Variants in ASXL2 observed in about 807,000 individuals in gnomAD.
The protein encoded by ASXL2 is putative Polycomb group protein ASXL2.
ASXL2 carries 23 observed loss-of-function variants against 122.0 expected under a neutral mutation model. The observed-to-expected ratio is 0.19, with a 90% confidence interval of 0.14 to 0.27. The LOEUF (loss-of-function observed/expected upper bound fraction) is 0.27. ASXL2 is among the 10% of genes least tolerant of loss of function. The probability of loss-of-function intolerance (pLI) is 1.00; values close to 1 mark genes in which losing one functional copy is unlikely to be tolerated. For missense variants in ASXL2, 1,518 were observed against 1,713.8 expected (o/e 0.89, Z 2.02); for synonymous variants, 650 against 637.0 (o/e 1.02, Z -0.31).
chr2:25,770,695 C>T (rs572846014), intron 6 of ASXL2, among the ~76,000 whole-genome samples: 1 of 151,866 alleles, frequency 6.6e-6, no homozygotes, highest in African/African-American at 2.4e-5. Context: ...GCGGAGGTTG[C>T]ACTAGGCAAC....
intron 3 of ASXL2, among the ~76,000 whole-genome samples, chr2:25,829,289 TACAC>T (rs148405440): frequency 1.6e-4 from 24 of 145,688 alleles, no homozygotes; most frequent in African/African-American, 2.5e-4. Flanking sequence ...CACATACACA[TACAC>T]ACACACACAC....
chr2:25,795,380 A>G (rs2088896910), intron 5 of ASXL2, among the ~76,000 whole-genome samples: 1 of 152,164 alleles, frequency 6.6e-6, no homozygotes, highest in South Asian at 2.1e-4. Context: ...AGTGTGGAGC[A>G]AGGTTATGTT....
intron 3 of ASXL2, among the ~76,000 whole-genome samples, chr2:25,832,330 C>T (rs1334110236): frequency 6.6e-6 from 1 of 151,766 alleles, no homozygotes; most frequent in African/African-American, 2.4e-5. Context: ...ATTGTAATAC[C>T]CAGTTGAAAC....
chr2:25,869,283 A>C (rs1484518185), intron 1 of ASXL2, among the ~76,000 whole-genome samples: 1 of 151,946 alleles, frequency 6.6e-6, no homozygotes, highest in South Asian at 2.1e-4. Context: ...GTCAGCTGAG[A>C]TCCACCACTG....
chr2:25,797,848 A>G (rs2088933314), intron 5 of ASXL2, among the ~76,000 whole-genome samples: 1 of 152,220 alleles, frequency 6.6e-6, no homozygotes, highest in South Asian at 2.1e-4. Flanking sequence ...AACCAAACAT[A>G]CTCTTAATCA....
intron 1 of ASXL2, chr2:25,856,469 C>A: frequency 9.9e-7 from 1 of 1,011,826 alleles, no homozygotes; most frequent in Non-Finnish European, 1.5e-6. Flanking sequence ...TCTCACTTGG[C>A]CTTCGGGTTA....
intron 4 of ASXL2, among the ~76,000 whole-genome samples, chr2:25,801,378 C>T (rs1014230427): frequency 6.6e-6 from 1 of 152,108 alleles, no homozygotes; most frequent in Non-Finnish European, 1.5e-5. Flanking sequence ...AACTGACATC[C>T]GTATGACATT....
chr2:25,782,902 C>T (rs953177480), intron 5 of ASXL2, among the ~76,000 whole-genome samples: 1 of 151,942 alleles, frequency 6.6e-6, no homozygotes, highest in African/African-American at 2.4e-5. Flanking sequence ...CCAAGGTGGG[C>T]GGATCACTTG....
At chr2:25,787,160 C>T (rs950902885) in intron 5 of ASXL2, among the ~76,000 whole-genome samples, 2 of 152,180 alleles carry the variant, frequency 1.3e-5, no homozygotes, top group African/African-American at 2.4e-5. Flanking sequence ...GTTGTGTATA[C>T]ACACGAGGAA....
chr2:25,747,142 T>G (rs147991671), intron 12 of ASXL2, among the ~76,000 whole-genome samples: 1 of 152,226 alleles, frequency 6.6e-6, no homozygotes, highest in Non-Finnish European at 1.5e-5. Flanking sequence ...AATATTGCGA[T>G]AGGTGGTTGG....
At chr2:25,831,653 C>T (rs1313314074) in intron 3 of ASXL2, among the ~76,000 whole-genome samples, 1 of 150,474 alleles carries the variant, frequency 6.6e-6, no homozygotes, top group Non-Finnish European at 1.5e-5. Context: ...GACCCTGTCT[C>T]AAAAAACAAA....
At chr2:25,764,902 C>T (rs2088316455) in intron 8 of ASXL2, among the ~76,000 whole-genome samples, 1 of 151,972 alleles carries the variant, frequency 6.6e-6, no homozygotes, top group African/African-American at 2.4e-5. Context: ...AACTGTGTTC[C>T]CTGAAGATAC....
intron 9 of ASXL2, among the ~76,000 whole-genome samples, chr2:25,756,453 C>CAAAAAAAAAAAAAAAAA (rs554502367): frequency 8.6e-5 from 2 of 23,268 alleles, no homozygotes; most frequent in Admixed American, 4.2e-4. Context: ...CAGATAATGA[C>CAAAAAAAAAAAAAAAAA]AAAAAAAAAA....
intron 5 of ASXL2, 84 bp from the exon 6 acceptor site, chr2:25,771,624 T>C (rs2088457770): frequency 2.7e-6 from 3 of 1,106,860 alleles, no homozygotes; most frequent in Non-Finnish European, 3.9e-6. Context: ...TGCTGCTACC[T>C]GGAGTAAGAA....
intron 2 of ASXL2, among the ~76,000 whole-genome samples, chr2:25,836,809 C>G (rs2089517163): frequency 6.6e-6 from 1 of 151,954 alleles, no homozygotes; most frequent in Non-Finnish European, 1.5e-5. Context: ...TATCATGAAC[C>G]CTTGGGATCA....
intron 10 of ASXL2, among the ~76,000 whole-genome samples, chr2:25,754,505 GAGAGATTTGGCTGTCAGAATCCAACCC>G (rs2088100489): frequency 6.6e-6 from 1 of 152,180 alleles, no homozygotes; most frequent in African/African-American, 2.4e-5. Flanking sequence ...ATTGGGAAAA[GAGAGATTTGGCTGTCAGAATCCAACCC>G]AGAACTCCTG....
chr2:25,828,060 G>A (rs1296497561), intron 3 of ASXL2, among the ~76,000 whole-genome samples: 1 of 151,662 alleles, frequency 6.6e-6, no homozygotes. Context: ...AAGGAGTCCA[G>A]TAATTCTATG....
At chr2:25,783,193 T>C (rs1472228394) in intron 5 of ASXL2, among the ~76,000 whole-genome samples, 1 of 152,168 alleles carries the variant, frequency 6.6e-6, no homozygotes, top group East Asian at 1.9e-4. Context: ...AACATGTGGG[T>C]ACAGTGTTCT....
At chr2:25,802,577 C>G (rs1033395586) in intron 4 of ASXL2, among the ~76,000 whole-genome samples, 2 of 152,162 alleles carry the variant, frequency 1.3e-5, no homozygotes, top group African/African-American at 4.8e-5. Flanking sequence ...GACACAGCTC[C>G]TATGTCCCTT....
Sources: allele counts gnomAD v4.1 joint callset (sites outside exome capture counted in the v4.1 genomes callset), GRCh38; gene constraint gnomAD v4.1.1; transcripts MANE v1.5; gene names NCBI Gene and HGNC (gene_info 2026-07-23, HGNC 2026-07-21).